Variants in PDE4B observed in about 807,000 individuals in gnomAD.
PDE4B encodes the protein 3',5'-cyclic-AMP phosphodiesterase 4B.
Under a neutral mutation model 82.2 loss-of-function variants are expected in PDE4B, and 20 were observed. The observed-to-expected ratio is 0.24, with a 90% CI of 0.17 to 0.35. PDE4B has a LOEUF of 0.35. PDE4B is among the 10% of genes least tolerant of loss of function. The probability of loss-of-function intolerance (pLI) is 1.00; values close to 1 mark genes in which losing one functional copy is unlikely to be tolerated. For missense variants in PDE4B, 655 were observed against 907.2 expected (o/e 0.72, Z 3.57); for synonymous variants, 320 against 318.9 (o/e 1.00, Z -0.04).
chr1:66,058,234 G>A (rs1282557928), intron 3 of PDE4B, among the ~76,000 whole-genome samples: 2 of 152,206 alleles, frequency 1.3e-5, no homozygotes, highest in Non-Finnish European at 2.9e-5. Context: ...GAAGAGGTGG[G>A]TTCCCATGGT....
intron 3 of PDE4B, among the ~76,000 whole-genome samples, chr1:66,015,611 A>G (rs1475117626): frequency 6.6e-6 from 1 of 152,158 alleles, no homozygotes; most frequent in African/African-American, 2.4e-5. Flanking sequence ...ACAGAAAATT[A>G]AAGTGCAAAG....
chr1:65,922,511 AATTT>A (rs1459406854), intron 3 of PDE4B, among the ~76,000 whole-genome samples: 1 of 152,286 alleles, frequency 6.6e-6, no homozygotes, highest in East Asian at 1.9e-4. Context: ...TGAAAAATAT[AATTT>A]ATGTCTGTGG....
chr1:65,994,285 A>C (rs1651411830), intron 3 of PDE4B, among the ~76,000 whole-genome samples: 1 of 152,212 alleles, frequency 6.6e-6, no homozygotes, highest in African/African-American at 2.4e-5. Context: ...AGAAATATAT[A>C]GCTTGCCTTT....
chr1:66,074,663 A>G (rs574617493), intron 3 of PDE4B, among the ~76,000 whole-genome samples: 1 of 151,334 alleles, frequency 6.6e-6, no homozygotes, highest in South Asian at 2.1e-4. Context: ...CCTTGGCTGC[A>G]CTAATCTGCT....
chr1:66,160,752 T>A (rs963126008), intron 3 of PDE4B, among the ~76,000 whole-genome samples: 3 of 152,260 alleles, frequency 2.0e-5, no homozygotes, highest in Non-Finnish European at 2.9e-5. Flanking sequence ...CTGAATTTTG[T>A]TTCTCATGGA....
chr1:66,200,998 T>C (rs1648875557), intron 3 of PDE4B, among the ~76,000 whole-genome samples: 2 of 152,190 alleles, frequency 1.3e-5, no homozygotes, highest in Admixed American at 1.3e-4. Flanking sequence ...TAGATAGCTC[T>C]TATTATTTTG....
intron 7 of PDE4B, among the ~76,000 whole-genome samples, chr1:66,326,116 C>T (rs766298826): frequency 6.6e-6 from 1 of 152,202 alleles, no homozygotes; most frequent in Non-Finnish European, 1.5e-5. Flanking sequence ...TACTCAAACT[C>T]TGTTGATACC....
intron 1 of PDE4B, among the ~76,000 whole-genome samples, chr1:65,835,709 T>C (rs931459863): frequency 6.6e-6 from 1 of 152,180 alleles, no homozygotes; most frequent in Non-Finnish European, 1.5e-5. Flanking sequence ...GTACATGAGC[T>C]GGAGCACTAC....
intron 1 of PDE4B, among the ~76,000 whole-genome samples, chr1:65,882,871 A>G (rs1646724802): frequency 6.6e-6 from 1 of 152,208 alleles, no homozygotes; most frequent in African/African-American, 2.4e-5. Context: ...TTAGTAGGAG[A>G]TGTTGAAGAC....
chr1:66,273,983 G>A (rs1247258529), intron 7 of PDE4B, among the ~76,000 whole-genome samples: 1 of 152,170 alleles, frequency 6.6e-6, no homozygotes, highest in Non-Finnish European at 1.5e-5. Context: ...TAAAAGAAAT[G>A]GAAGAAAAAC....
chr1:65,844,234 A>G (rs1477669572), intron 1 of PDE4B, among the ~76,000 whole-genome samples: 1 of 152,228 alleles, frequency 6.6e-6, no homozygotes, highest in Admixed American at 6.6e-5. Flanking sequence ...TTAGGTATTC[A>G]TGATTGTACT....
chr1:66,272,556 A>ATGAT (rs1262881317), intron 7 of PDE4B, among the ~76,000 whole-genome samples: 1 of 152,086 alleles, frequency 6.6e-6, no homozygotes, highest in Non-Finnish European at 1.5e-5. Context: ...TCTGACTTTG[A>ATGAT]GTAGCATCTT....
intron 1 of PDE4B, among the ~76,000 whole-genome samples, chr1:65,869,169 G>A (rs988758478): frequency 3.3e-5 from 5 of 152,218 alleles, no homozygotes; most frequent in South Asian, 2.1e-4. Context: ...ATGTAATGCA[G>A]TTAAATCATT....
chr1:65,882,872 T>C (rs1007245221), intron 1 of PDE4B, among the ~76,000 whole-genome samples: 6 of 152,224 alleles, frequency 3.9e-5, no homozygotes, highest in African/African-American at 1.4e-4. Flanking sequence ...TAGTAGGAGA[T>C]GTTGAAGACC....
intron 3 of PDE4B, among the ~76,000 whole-genome samples, chr1:66,015,558 A>G (rs1274292574): frequency 6.6e-6 from 1 of 152,030 alleles, no homozygotes; most frequent in African/African-American, 2.4e-5. Context: ...GCCTCAAGCC[A>G]TGAGAACATT....
chr1:66,166,582 A>G (rs556000041), intron 3 of PDE4B, among the ~76,000 whole-genome samples: 61 of 152,126 alleles, frequency 4.0e-4, no homozygotes, highest in South Asian at 8.3e-4. Context: ...AAAAATAAAA[A>G]AGTTAGCCGG....
chr1:65,930,866 G>T (rs1647792749), intron 3 of PDE4B, among the ~76,000 whole-genome samples: 1 of 152,216 alleles, frequency 6.6e-6, no homozygotes, highest in Non-Finnish European at 1.5e-5. Context: ...GGGAAGGCAT[G>T]ATTGTATTTT....
At chr1:65,846,077 T>C (rs12125534) in intron 1 of PDE4B, among the ~76,000 whole-genome samples, 20,440 of 152,156 alleles carry the variant, frequency 0.13, 1,454 homozygotes, top group South Asian at 0.17. Context: ...ACTTCAGGTG[T>C]TATGGTCTAA....
chr1:66,196,912 A>G (rs994860920), intron 3 of PDE4B, among the ~76,000 whole-genome samples: 3 of 152,100 alleles, frequency 2.0e-5, no homozygotes, highest in Non-Finnish European at 4.4e-5. Flanking sequence ...ATACATATGT[A>G]ACTAACCTAC....
Sources: allele counts gnomAD v4.1 joint callset (sites outside exome capture counted in the v4.1 genomes callset), GRCh38; gene constraint gnomAD v4.1.1; transcripts MANE v1.5; gene names NCBI Gene and HGNC (gene_info 2026-07-23, HGNC 2026-07-21).